The following GLRA1 variants were observed in gnomAD, a reference collection of about 807,000 sequenced individuals.
The protein encoded by GLRA1 is glycine receptor alpha 1.
In GLRA1, 37 loss-of-function variants were observed where a neutral mutation model predicts 48.3. The ratio of observed to expected loss-of-function variants is 0.77; its 90% CI spans 0.59 to 1.01. The LOEUF (loss-of-function observed/expected upper bound fraction) is 1.01. Among genes scored for constraint, GLRA1 ranks in the 50% least tolerant of loss-of-function variants. GLRA1 has a pLI of 0.00. For synonymous variants in GLRA1, 196 were observed against 210.7 expected, an observed-to-expected ratio of 0.93 and a Z score of 0.60; for missense variants, 427 against 571.0, an observed-to-expected ratio of 0.75 and a Z score of 2.57.
In GLRA1 at chr5:151,822,788, GC is replaced by G. The variant is rs745479464; in HGVS notation, c.1234del (p.Ala412ProfsTer59). On this transcript the variant is annotated frameshift_variant, in exon 9 of 9. Transcript: ENST00000274576. LOFTEE classifies it high-confidence loss of function. ...GCGGGATATTTTGTCGATCTTCTTG[GC>G]CCTCTGGATGAAGAGTTTTCGCATC... ...EEMRKLFIQRAKKIDKISRIG... is the reference protein window; with the variant it reads ...EEMRKLFIQRXKKIDKISRIG... The G allele has an allele frequency of 6.2e-7, 1 of 1,613,954 alleles. No individual in the cohort carries two copies. The highest frequency in any genetic ancestry group is 8.5e-7 in the Non-Finnish European group (1 of 1,179,860).
intron 1 of GLRA1, among the ~76,000 whole-genome samples, chr5:151,898,509 G>A (rs1200532097): frequency 1.3e-5 from 2 of 152,104 alleles, no homozygotes; most frequent in South Asian, 4.1e-4. Context: ...ATTTTGCATG[G>A]CACCACACCC....
chr5:151,838,306 A>G (rs1413172988), intron 7 of GLRA1, among the ~76,000 whole-genome samples: 1 of 152,084 alleles, frequency 6.6e-6, no homozygotes, highest in Non-Finnish European at 1.5e-5. Context: ...CGTCTCTACT[A>G]AAAATAGAAA....
At chr5:151,830,847 C>G (rs779738044) in intron 7 of GLRA1, among the ~76,000 whole-genome samples, 2 of 152,210 alleles carry the variant, frequency 1.3e-5, no homozygotes, top group Non-Finnish European at 2.9e-5. Flanking sequence ...AATGTCCAAA[C>G]TTGGCTGGCA....
intron 3 of GLRA1, 62 bp from the exon 4 acceptor site, chr5:151,860,070 G>C: frequency 7.6e-7 from 1 of 1,307,482 alleles, no homozygotes; most frequent in African/African-American, 1.4e-5. Flanking sequence ...ACTTTTGGAG[G>C]ACCTGGGTGC....
chr5:151,876,579 T>C (rs530403634), intron 3 of GLRA1, among the ~76,000 whole-genome samples: 4 of 152,330 alleles, frequency 2.6e-5, no homozygotes, highest in African/African-American at 9.6e-5. Flanking sequence ...ATTATCTTGT[T>C]TTCCTTAAAA....
chr5:151,828,205 G>A lies in GLRA1; in HGVS notation c.1059+716C>T, dbSNP rs116799706. Among the ~76,000 whole-genome samples, 996 of 152,282 alleles carry A rather than the reference G, an allele frequency of 6.5e-3. 11 individuals carry two copies. The highest frequency in any genetic ancestry group is 0.022 in the African/African-American group (928 of 41,560). Reference sequence around the variant, plus strand: ...AGAGCAGTACAGGGAAAGAGAACAAGATATTTAAAATCCTGTGTGTATGTT... The same window carrying A: ...AGAGCAGTACAGGGAAAGAGAACAAAATATTTAAAATCCTGTGTGTATGTT... On this transcript the variant is annotated intron_variant, in intron 8 of 8. Transcript: ENST00000274576.
intron 1 of GLRA1, among the ~76,000 whole-genome samples, chr5:151,908,944 A>G: frequency 6.6e-6 from 1 of 152,150 alleles, no homozygotes; most frequent in Non-Finnish European, 1.5e-5. Flanking sequence ...TGAATTGCCA[A>G]GGTGCCCTAA....
At chr5:151,868,384 C>G (rs1223156240) in intron 3 of GLRA1, among the ~76,000 whole-genome samples, 1 of 152,218 alleles carries the variant, frequency 6.6e-6, no homozygotes, top group South Asian at 2.1e-4. Flanking sequence ...GTGTTAAGAC[C>G]TTTATGTGTG....
At chr5:151,863,595 A>G (rs1373132965) in intron 3 of GLRA1, among the ~76,000 whole-genome samples, 2 of 152,098 alleles carry the variant, frequency 1.3e-5, no homozygotes, top group South Asian at 2.1e-4. Flanking sequence ...TAGTTCCCCA[A>G]ATGATTAATA....
chr5:151,917,781 ACT>A (rs747086925), intron 1 of GLRA1, among the ~76,000 whole-genome samples: 62 of 152,208 alleles, frequency 4.1e-4, no homozygotes, highest in Non-Finnish European at 6.8e-4. Context: ...TACTCAAGAC[ACT>A]CTGAAGGAAA....
At chr5:151,891,177 T>C (rs1754058544) in intron 2 of GLRA1, among the ~76,000 whole-genome samples, 1 of 152,178 alleles carries the variant, frequency 6.6e-6, no homozygotes, top group Non-Finnish European at 1.5e-5. Context: ...TTTGCAAGGA[T>C]GCTGGGAGGA....
intron 3 of GLRA1, among the ~76,000 whole-genome samples, chr5:151,876,397 C>T (rs1439749215): frequency 6.6e-6 from 1 of 151,842 alleles, no homozygotes; most frequent in African/African-American, 2.4e-5. Context: ...CAATTTGGTG[C>T]CGATCAGTTT....
At chr5:151,840,430 G>A (rs1167522945) in intron 7 of GLRA1, among the ~76,000 whole-genome samples, 2 of 151,898 alleles carry the variant, frequency 1.3e-5, no homozygotes, top group Admixed American at 1.3e-4. Flanking sequence ...AGGCAGTAAC[G>A]GAGGAACAAA....
intron 1 of GLRA1, among the ~76,000 whole-genome samples, chr5:151,900,389 C>T (rs1205985520): frequency 1.3e-5 from 2 of 152,336 alleles, no homozygotes; most frequent in Non-Finnish European, 2.9e-5. Context: ...GGGTCTTTAC[C>T]TCTTACAGCA....
rs567805825 is a variant in GLRA1, at chr5:151,848,839, C to A, written c.912+2551G>T. The A allele has an allele frequency of 6.4e-5, 35 of 547,172 alleles. 1 individual carries two copies. Among genetic ancestry groups the A allele is most frequent in the South Asian group, 5.0e-4 (27 of 54,196 alleles). The allele number at this position is 547,172 out of a possible 1,614,324, so 33.9% of individuals were successfully genotyped here. ...CCTCTCCTCACCTCACTCTCATGGC[C>A]TACCTTTACCCGCCCGCCTGCTCAG... On this transcript the variant is annotated intron_variant, in intron 7 of 8. Transcript: ENST00000274576.
intron 7 of GLRA1, among the ~76,000 whole-genome samples, chr5:151,839,034 A>G (rs553735035): frequency 7.9e-4 from 121 of 152,374 alleles, no homozygotes; most frequent in African/African-American, 2.8e-3. Flanking sequence ...CCTTTTGTAC[A>G]AGGGATTCTT....
chr5:151,837,419 C>G (rs1183854099), intron 7 of GLRA1, among the ~76,000 whole-genome samples: 1 of 152,124 alleles, frequency 6.6e-6, no homozygotes, highest in Admixed American at 6.6e-5. Flanking sequence ...CCTGAAGGAT[C>G]TAGAACTAGA....
At chr5:151,904,925 C>T (rs1227326020) in intron 1 of GLRA1, among the ~76,000 whole-genome samples, 1 of 152,144 alleles carries the variant, frequency 6.6e-6, no homozygotes, top group African/African-American at 2.4e-5. Context: ...GCCACCCACT[C>T]TGACCCTAGA....
intron 6 of GLRA1, among the ~76,000 whole-genome samples, chr5:151,854,679 G>T (rs138328585): frequency 6.6e-6 from 1 of 152,292 alleles, no homozygotes; most frequent in East Asian, 1.9e-4. Context: ...GAGGTCTATT[G>T]TGAGCATTCT....
Sources: allele counts gnomAD v4.1 joint callset (sites outside exome capture counted in the v4.1 genomes callset), GRCh38; gene constraint gnomAD v4.1.1; transcripts MANE v1.5; gene names NCBI Gene and HGNC (gene_info 2026-07-23, HGNC 2026-07-21).